CD40: variants seen among roughly 807,000 people sequenced by gnomAD.
CD40 encodes CD40 molecule.
Under a neutral mutation model 38.5 loss-of-function variants are expected in CD40, and 19 were observed. The ratio of observed to expected loss-of-function variants is 0.49; its 90% confidence interval spans 0.34 to 0.72. The LOEUF is 0.72. CD40 is among the 30% of genes least tolerant of loss of function. The pLI, the probability that CD40 is intolerant of heterozygous loss-of-function variation, is 0.01. For missense variants in CD40, 256 were observed against 344.1 expected (o/e 0.74, Z 2.03); for synonymous variants, 130 against 128.7 (o/e 1.01, Z -0.07).
intron 4 of CD40, 104 bp from the exon 5 acceptor site, chr20:46,123,022 T>C: frequency 1.0e-6 from 1 of 993,448 alleles, no homozygotes; most frequent in Non-Finnish European, 1.6e-6. Flanking sequence ...GGAAGAGTGC[T>C]CAAGGCAGGA....
intron 1 of CD40, among the ~76,000 whole-genome samples, chr20:46,119,341 T>G (rs952638038): frequency 1.3e-5 from 2 of 152,136 alleles, no homozygotes; most frequent in African/African-American, 4.8e-5. Flanking sequence ...ACCCATGGTA[T>G]CAAGGAAAGC....
In CD40 at chr20:46,122,140, C is replaced by A; in HGVS notation, c.131-93C>A. 2.0e-6 allele frequency: 3 copies of A among 1,485,106 alleles called. No individual in the cohort carries two copies. Among genetic ancestry groups the A allele is most frequent in the Non-Finnish European group, 2.8e-6 (3 of 1,063,608 alleles). 92.0% of individuals were successfully genotyped at this position (1,485,106 alleles called of 1,614,324 possible). A position where few individuals can be genotyped will look rare whatever the true frequency, so the allele number is the denominator to read the frequency against. On this transcript the variant is annotated intron_variant, in intron 2 of 8. Transcript: ENST00000372285. This position sits in a 1 kb window ranked among gnomAD's most constrained non-coding sequence, Gnocchi z 5.0. Reference sequence around the variant, plus strand: ...GGATCCAAGACTTTCATCTTTGAATCCCCTACCCTAAAGCCTGGCCTGATC... The same window carrying A: ...GGATCCAAGACTTTCATCTTTGAATACCCTACCCTAAAGCCTGGCCTGATC...
In CD40 at chr20:46,129,104, C is replaced by A. The variant is rs1262029662; in HGVS notation, c.*64C>A. 1 of 1,541,904 alleles carries A rather than the reference C, an allele frequency of 6.5e-7. No homozygotes were observed. Among genetic ancestry groups the A allele is most frequent in the Non-Finnish European group, 8.9e-7 (1 of 1,118,002 alleles). The stretch of plus-strand genomic sequence containing the variant: ...AGGCAGTTGGCCAGAGAGCCTGGTG[C>A]TGCTGCTGCTGTGGCGTGAGGGTGA... On this transcript the variant is annotated 3_prime_UTR_variant, in exon 9 of 9. Coordinates refer to ENST00000372285, the MANE Select transcript of CD40 (RefSeq NM_001250.6).
At chr20:46,125,754 C>G (rs1226442747) in intron 5 of CD40, among the ~76,000 whole-genome samples, 2 of 152,016 alleles carry the variant, frequency 1.3e-5, no homozygotes, top group African/African-American at 2.4e-5. Context: ...TGTAATTTCT[C>G]CTCCTCTGAG....
intron 6 of CD40, 71 bp downstream of exon 6, chr20:46,126,772 A>G: frequency 6.2e-7 from 1 of 1,612,720 alleles, no homozygotes; most frequent in Non-Finnish European, 8.5e-7. Context: ...TGAGGCACAC[A>G]GGAACACTGG....
At chr20:46,126,506 G>A in intron 5 of CD40, 134 bp from the exon 6 acceptor site, 2 of 945,556 alleles carry the variant, frequency 2.1e-6, no homozygotes, top group Non-Finnish European at 1.7e-6. Context: ...CGTTGCACGT[G>A]TTGTGTGCTC....
At position 46,128,304 on chromosome 20, in the gene CD40, C is replaced by CATT; in HGVS notation, c.647-26_647-25insATT. The CATT allele has an allele frequency of 2.1e-6, 3 of 1,440,242 alleles. No homozygotes were observed. In the East Asian group the frequency reaches 7.7e-5, roughly 37 times the overall value. The allele number at this position is 1,440,242 out of a possible 1,614,324, so 89.2% of individuals were successfully genotyped here. Reference sequence around the variant, plus strand: ...TATCTGGCCTCTCCAACTCCCCATCCTTTTTTTTTTTTTTTTTTTTTTTAG... The same window carrying CATT: ...TATCTGGCCTCTCCAACTCCCCATCCATTTTTTTTTTTTTTTTTTTTTTTTTAG... On this transcript the variant is annotated intron_variant, in intron 7 of 8. Transcript: ENST00000372285.
At position 46,125,583 on chromosome 20, in the gene CD40, A is replaced by G. The variant is rs151019328; in HGVS notation, c.498-1057A>G. On this transcript the variant is annotated intron_variant, in intron 5 of 8. Coordinates refer to ENST00000372285, the MANE Select transcript of CD40 (RefSeq NM_001250.6). ...AAAAAAAAAAAAAAGACTAAAGTAC[A>G]TGGTTTCTTCAAAGCTTCTCTCTCT... Among the ~76,000 whole-genome samples, 826 of 145,878 alleles carry G rather than the reference A, an allele frequency of 5.7e-3. 2 individuals are homozygous for G. The highest frequency in any genetic ancestry group is 0.014 in the Middle Eastern group (4 of 278).
At position 46,126,695 on chromosome 20, in the gene CD40, G is replaced by T; in HGVS notation, c.553G>T (p.Val185Phe). ...QQAGTNKTDVVCGPQDRLRAL... is the reference protein window; with the variant it reads ...QQAGTNKTDVFCGPQDRLRAL... Reference sequence around the variant, plus strand: ...GGCAGGCACAAACAAGACTGATGTTGTCTGTGGTGAGTCCTGGACAATGGG... The same window carrying T: ...GGCAGGCACAAACAAGACTGATGTTTTCTGTGGTGAGTCCTGGACAATGGG... Residue 185 changes from valine to phenylalanine, a missense_variant, in exon 6 of 9, where the codon GTC (valine) becomes TTC (phenylalanine). Coordinates refer to ENST00000372285, the MANE Select transcript of CD40 (RefSeq NM_001250.6). The T allele has an allele frequency of 6.2e-7, 1 of 1,614,160 alleles. No individual in the cohort carries two copies. Among genetic ancestry groups the T allele is most frequent in the Admixed American group, 1.7e-5 (1 of 60,016 alleles).
Position 46,126,709 on chromosome 20 carries a change from C to T in CD40, c.559+8C>T. 6.2e-7 allele frequency: 1 copy of T among 1,614,040 alleles called. No homozygotes were observed. Among genetic ancestry groups the T allele is most frequent in the Non-Finnish European group, 8.5e-7 (1 of 1,179,962 alleles). ...AGACTGATGTTGTCTGTGGTGAGTC[C>T]TGGACAATGGGCCCTGGAGAAAGCC... On this transcript the variant is annotated splice_region_variant and intron_variant, in intron 6 of 8. Coordinates refer to ENST00000372285, the MANE Select transcript of CD40 (RefSeq NM_001250.6).
rs540113058 is a variant in CD40 at position 46,125,370 on chromosome 20, C to A, written c.498-1270C>A. Among the ~76,000 whole-genome samples, 8 of 151,304 alleles carry A rather than the reference C, an allele frequency of 5.3e-5. No individual in the cohort carries two copies. In the South Asian group the frequency reaches 1.7e-3, roughly 32 times the overall value. ...ACCATCCTGGCTAATATGGTAAAAC[C>A]CTGTCTCTACTAAAAATACAAAAAT... On this transcript the variant is annotated intron_variant, in intron 5 of 8. Transcript: ENST00000372285.
chr20:46,122,327 A>G lies in CD40; in HGVS notation c.225A>G (p.Thr75=). The change falls in exon 3 of 9, where the codon ACA becomes ACG. Residue 75 remains threonine, a synonymous_variant. Coordinates refer to ENST00000372285, the MANE Select transcript of CD40 (RefSeq NM_001250.6). This position sits in a 1 kb window ranked among gnomAD's most constrained non-coding sequence, Gnocchi z 5.0. ...SEFLDTWNRE[T]HCHQHKYCDP... ...TCCTAGACACCTGGAACAGAGAGAC[A>G]CACTGCCACCAGCACAAATACTGCG... is the stretch of plus-strand genomic sequence containing the variant. The G allele has an allele frequency of 1.2e-6, 2 of 1,614,200 alleles. No individual in the cohort carries two copies. Among genetic ancestry groups the G allele is most frequent in the Non-Finnish European group, 1.7e-6 (2 of 1,180,044 alleles).
intron 1 of CD40, chr20:46,121,592 T>C (rs193031647): frequency 1.7e-6 from 1 of 587,576 alleles, no homozygotes; most frequent in East Asian, 3.1e-5. Flanking sequence ...GAGTTTACAG[T>C]ACCATTGCTT....
intron 1 of CD40, among the ~76,000 whole-genome samples, chr20:46,119,525 G>C (rs1354223976): frequency 1.3e-5 from 2 of 152,172 alleles, no homozygotes; most frequent in Non-Finnish European, 2.9e-5. Flanking sequence ...GAGGAGGTGG[G>C]GTGAAGGGTG....
intron 1 of CD40, among the ~76,000 whole-genome samples, chr20:46,119,800 A>G (rs1228627428): frequency 6.6e-6 from 1 of 152,206 alleles, no homozygotes; most frequent in Non-Finnish European, 1.5e-5. Flanking sequence ...TTGTGAATCT[A>G]CATCTGCATG....
At chr20:46,127,501 G>C (rs775676178) in intron 6 of CD40, among the ~76,000 whole-genome samples, 5 of 152,142 alleles carry the variant, frequency 3.3e-5, no homozygotes, top group Non-Finnish European at 5.9e-5. Context: ...CTTGGTGTCC[G>C]CCTGATGATT....
At position 46,122,013 on chromosome 20, in the gene CD40, G is replaced by A; in HGVS notation, c.130+115G>A. 1 of 1,064,022 alleles carries A rather than the reference G, an allele frequency of 9.4e-7. No homozygotes were observed. The highest frequency in any genetic ancestry group is 1.4e-6 in the Non-Finnish European group (1 of 693,708). The allele number at this position is 1,064,022 out of a possible 1,614,324, so 65.9% of individuals were successfully genotyped here. A position where few individuals can be genotyped will look rare whatever the true frequency, so the allele number is the denominator to read the frequency against. On this transcript the variant is annotated intron_variant, in intron 2 of 8. Transcript: ENST00000372285. The surrounding 1 kb of genome is among the most constrained non-coding windows in gnomAD (Gnocchi z 5.0). The stretch of plus-strand genomic sequence containing the variant: ...CTGAAACGACCCATTTCCCAGCCCT[G>A]CTTCACTGTCAGAATGTTCTGGTTC...
At chr20:46,128,584 C>G in intron 8 of CD40, 1 of 709,684 alleles carries the variant, frequency 1.4e-6, no homozygotes, top group Non-Finnish European at 2.5e-6. Flanking sequence ...ACTGGCTGTT[C>G]TTCACTCCTT....
chr20:46,124,597 T>C (rs73115010), intron 5 of CD40, among the ~76,000 whole-genome samples: 27,758 of 151,458 alleles, frequency 0.18, 3,023 homozygotes, highest in East Asian at 0.3. Flanking sequence ...TGCCTTTCCC[T>C]AATAGATTGA....
Sources: gnomAD v4.1 joint callset for allele counts (sites outside exome capture counted in the v4.1 genomes callset) on GRCh38, gnomAD v4.1.1 for gene constraint, Gnocchi (gnomAD v3.1) non-coding constraint, MANE v1.5 for transcripts, NCBI Gene and HGNC (gene_info 2026-07-23, HGNC 2026-07-21) for gene names.